CDH7: variants seen among roughly 807,000 people sequenced by gnomAD.
CDH7 encodes the protein cadherin-7.
Under a neutral mutation model 71.8 loss-of-function variants are expected in CDH7, and 25 were observed. The observed-to-expected ratio is 0.35, with a 90% confidence interval of 0.25 to 0.49. The LOEUF is 0.49. Ranked by LOEUF, CDH7 falls within the 20% of genes least tolerant of loss-of-function variation. The pLI is 0.99. For synonymous variants in CDH7, 381 were observed against 363.8 expected (o/e 1.05, Z -0.54); for missense variants, 862 against 974.6 (o/e 0.88, Z 1.54).
chr18:65,810,922 C>G (rs1024591614), intron 3 of CDH7, among the ~76,000 whole-genome samples: 1 of 151,854 alleles, frequency 6.6e-6, no homozygotes, highest in African/African-American at 2.4e-5. Flanking sequence ...AGAAAGATAC[C>G]CAGTAAAGCA....
chr18:65,873,750 A>G (rs538245937), intron 11 of CDH7, among the ~76,000 whole-genome samples: 14 of 152,268 alleles, frequency 9.2e-5, no homozygotes, highest in African/African-American at 3.4e-4. Flanking sequence ...CATATAGATG[A>G]TGGTGTTTTT....
At chr18:65,837,341 G>A (rs1333957690) in intron 6 of CDH7, among the ~76,000 whole-genome samples, 1 of 152,160 alleles carries the variant, frequency 6.6e-6, no homozygotes, top group Non-Finnish European at 1.5e-5. Flanking sequence ...TAGGATGGAG[G>A]GTGGGGATCA....
At chr18:65,843,756 C>G in intron 6 of CDH7, 56 bp from the exon 7 acceptor site, 1 of 1,438,102 alleles carries the variant, frequency 7.0e-7, no homozygotes. Context: ...TGAAAAGGCT[C>G]TGCTTTGCTG....
chr18:65,818,469 ATTAAAATAT>A (rs1911801205), intron 4 of CDH7, among the ~76,000 whole-genome samples: 1 of 152,202 alleles, frequency 6.6e-6, no homozygotes, highest in African/African-American at 2.4e-5. Context: ...ATCATATTGC[ATTAAAATAT>A]TCAATCGTGT....
rs1356257943 is a variant in CDH7 at position 65,843,755 on chromosome 18, T to C, written c.982-57T>C. ...TATTGACATTCATAAATGAAAAGGC[T>C]CTGCTTTGCTGACTGTTTAACCGGT... On this transcript the variant is annotated intron_variant, in intron 6 of 11. Coordinates refer to ENST00000397968, the MANE Select transcript of CDH7 (RefSeq NM_004361.5). 2.8e-6 allele frequency: 4 copies of C among 1,431,274 alleles called. No homozygotes were observed. In the African/African-American group the frequency reaches 5.8e-5, roughly 21 times the overall value. 88.7% of individuals were successfully genotyped at this position (1,431,274 alleles called of 1,614,324 possible).
At chr18:65,814,703 TTTA>T in intron 4 of CDH7, 99 bp downstream of exon 4, 1 of 961,850 alleles carries the variant, frequency 1.0e-6, no homozygotes, top group Non-Finnish European at 1.5e-6. Flanking sequence ...AACATACCAT[TTTA>T]TTATGCTTCT....
intron 6 of CDH7, among the ~76,000 whole-genome samples, chr18:65,825,644 A>T (rs1485437366): frequency 6.6e-6 from 1 of 151,856 alleles, no homozygotes; most frequent in Non-Finnish European, 1.5e-5. Context: ...TGTCAGTATG[A>T]AAATCCAGTG....
At chr18:65,770,058 T>G (rs1229045846) in intron 2 of CDH7, among the ~76,000 whole-genome samples, 1 of 152,212 alleles carries the variant, frequency 6.6e-6, no homozygotes, top group Non-Finnish European at 1.5e-5. Context: ...CAAGGGTTGA[T>G]TCAGTACAAT....
chr18:65,829,545 A>G (rs1912259259), intron 6 of CDH7, among the ~76,000 whole-genome samples: 1 of 151,756 alleles, frequency 6.6e-6, no homozygotes, highest in Admixed American at 6.6e-5. Context: ...GTTTCACTCA[A>G]CAATCTAGAG....
rs563837560 is a variant in CDH7, at chr18:65,786,879, G to C, written c.211-22825G>C. ...ATCAAAATTTATGTTTTTAGAGACA[G>C]AGTCTTGGTATGTTGCCCAGGCTGG... is the stretch of plus-strand genomic sequence containing the variant. On this transcript the variant is annotated intron_variant, in intron 2 of 11. Coordinates refer to ENST00000397968, the MANE Select transcript of CDH7 (RefSeq NM_004361.5). Among the ~76,000 whole-genome samples the C allele has an allele frequency of 1.3e-3, 193 of 152,152 alleles. 1 individual carries two copies. Among genetic ancestry groups the C allele is most frequent in the African/African-American group, 4.6e-3 (190 of 41,540 alleles).
At chr18:65,863,107 G>A in intron 11 of CDH7, 190 bp downstream of exon 11, 1 of 630,566 alleles carries the variant, frequency 1.6e-6, no homozygotes, top group Non-Finnish European at 2.7e-6. Context: ...GAATGATCTG[G>A]GCTCACTGCA....
At chr18:65,763,758 T>C (rs1220725045) in intron 2 of CDH7, among the ~76,000 whole-genome samples, 1 of 152,048 alleles carries the variant, frequency 6.6e-6, no homozygotes, top group African/African-American at 2.4e-5. Flanking sequence ...GTTAGCTGGA[T>C]GGACATTTTG....
At chr18:65,815,666 T>C (rs1383307680) in intron 4 of CDH7, among the ~76,000 whole-genome samples, 1 of 152,148 alleles carries the variant, frequency 6.6e-6, no homozygotes, top group Non-Finnish European at 1.5e-5. Flanking sequence ...TTTACACCAG[T>C]GTAGTGATAG....
At chr18:65,799,688 A>G (rs1348697651) in intron 2 of CDH7, among the ~76,000 whole-genome samples, 2 of 151,836 alleles carry the variant, frequency 1.3e-5, no homozygotes, top group African/African-American at 4.8e-5. Flanking sequence ...AAAAAAAAAA[A>G]GTACAATCCC....
At chr18:65,797,494 T>C (rs1910960318) in intron 2 of CDH7, among the ~76,000 whole-genome samples, 3 of 152,148 alleles carry the variant, frequency 2.0e-5, no homozygotes, top group South Asian at 4.2e-4. Context: ...GACTTTGTTT[T>C]CCTCATCTAT....
intron 1 of CDH7, among the ~76,000 whole-genome samples, chr18:65,753,108 G>A (rs1229232012): frequency 1.3e-5 from 2 of 152,098 alleles, no homozygotes; most frequent in Non-Finnish European, 2.9e-5. Context: ...TGGAGAGCAC[G>A]CGGAGTTGGC....
At chr18:65,812,377 C>T (rs1483639083) in intron 3 of CDH7, among the ~76,000 whole-genome samples, 1 of 152,162 alleles carries the variant, frequency 6.6e-6, no homozygotes, top group African/African-American at 2.4e-5. Flanking sequence ...GACACCAATT[C>T]AGACCACTAA....
chr18:65,773,031 C>T (rs1916590916), intron 2 of CDH7, among the ~76,000 whole-genome samples: 1 of 152,120 alleles, frequency 6.6e-6, no homozygotes, highest in Non-Finnish European at 1.5e-5. Context: ...ACTCTGGGTA[C>T]ATCGATAAAG....
intron 10 of CDH7, among the ~76,000 whole-genome samples, chr18:65,860,529 A>G (rs1417537734): frequency 6.6e-6 from 1 of 152,124 alleles, no homozygotes; most frequent in African/African-American, 2.4e-5. Context: ...ACCTGCTATC[A>G]TTGTCTAATT....
Sources: gnomAD v4.1 joint callset for allele counts (sites outside exome capture counted in the v4.1 genomes callset) on GRCh38, gnomAD v4.1.1 for gene constraint, MANE v1.5 for transcripts, NCBI Gene and HGNC (gene_info 2026-07-23, HGNC 2026-07-21) for gene names.